GLIPR1L2: variants seen among roughly 807,000 people sequenced by gnomAD.
GLIPR1L2 encodes GLIPR1-like protein 2.
In GLIPR1L2, 21 loss-of-function variants were observed where a neutral mutation model predicts 28.4. The ratio of observed to expected loss-of-function variants is 0.74; its 90% CI spans 0.52 to 1.06. The LOEUF (loss-of-function observed/expected upper bound fraction) is 1.06. GLIPR1L2 is among the 50% of genes least tolerant of loss of function. GLIPR1L2 has a pLI of 0.00. For missense variants in GLIPR1L2, 476 were observed against 416.9 expected (o/e 1.14, Z -1.23); for synonymous variants, 145 against 139.3 (o/e 1.04, Z -0.29).
chr12:75,401,181 T>C (rs1329888308), intron 1 of GLIPR1L2, among the ~76,000 whole-genome samples: 2 of 151,632 alleles, frequency 1.3e-5, no homozygotes, highest in Non-Finnish European at 2.9e-5. Flanking sequence ...AATAATATTT[T>C]AAAATAAACT....
chr12:75,429,941 T>TTCTTTTCTTTTC (rs1555234759), intron 4 of GLIPR1L2, among the ~76,000 whole-genome samples: 2 of 143,642 alleles, frequency 1.4e-5, no homozygotes, highest in African/African-American at 5.3e-5. Flanking sequence ...TTTCTTTCTT[T>TTCTTTTCTTTTC]TTTTTTTTTT....
chr12:75,406,085 A>C (rs1389392379), intron 1 of GLIPR1L2, among the ~76,000 whole-genome samples: 2 of 150,080 alleles, frequency 1.3e-5, no homozygotes, highest in African/African-American at 4.9e-5. Flanking sequence ...TATCAACTTT[A>C]TTATTTTCCT....
At chr12:75,424,684 A>G (rs543894942) in intron 4 of GLIPR1L2, among the ~76,000 whole-genome samples, 1 of 152,080 alleles carries the variant, frequency 6.6e-6, no homozygotes, top group Admixed American at 6.5e-5. Flanking sequence ...TCCTGGCCTC[A>G]AGTGATTCTC....
intron 2 of GLIPR1L2, among the ~76,000 whole-genome samples, chr12:75,411,100 C>T (rs962717833): frequency 2.0e-5 from 3 of 151,690 alleles, no homozygotes; most frequent in Non-Finnish European, 4.4e-5. Context: ...TATTATTTCC[C>T]TGCCTCTGGT....
In GLIPR1L2 at chr12:75,431,155, A is replaced by G; in HGVS notation, c.1029A>G (p.Glu343=). The G allele has an allele frequency of 1.3e-6, 1 of 748,284 alleles. No individual in the cohort carries two copies. The highest frequency in any genetic ancestry group is 2.2e-6 in the Non-Finnish European group (1 of 444,866). The allele number at this position is 748,284 out of a possible 1,614,324, so 46.4% of individuals were successfully genotyped here. The change falls in exon 6 of 6, where the codon GAA becomes GAG. Residue 343 remains glutamate (E), a synonymous_variant. Coordinates refer to ENST00000550916, the MANE Select transcript of GLIPR1L2 (RefSeq NM_001270396.2). ...ETQKEKMEEE[E]K ...AAAAAGAAAAGATGGAGGAAGAGGA[A>G]AAATAAGAGTAGAAAGAGGAGGAAA...
chr12:75,421,177 A>G (rs2045972333), intron 3 of GLIPR1L2, among the ~76,000 whole-genome samples: 1 of 151,782 alleles, frequency 6.6e-6, no homozygotes, highest in Non-Finnish European at 1.5e-5. Flanking sequence ...AAAATAGACC[A>G]GGGTGTAGCT....
At chr12:75,424,936 G>A (rs1444418826) in intron 4 of GLIPR1L2, among the ~76,000 whole-genome samples, 1 of 152,072 alleles carries the variant, frequency 6.6e-6, no homozygotes, top group East Asian at 1.9e-4. Context: ...TCTACACAGA[G>A]GGGCATCCAA....
intron 1 of GLIPR1L2, among the ~76,000 whole-genome samples, chr12:75,398,821 CTTT>C (rs1312899221): frequency 1.3e-5 from 2 of 152,032 alleles, no homozygotes; most frequent in Non-Finnish European, 2.9e-5. Context: ...AGAAAATAAC[CTTT>C]ATGAGTTTGA....
chr12:75,409,369 C>A (rs747932864), intron 1 of GLIPR1L2, among the ~76,000 whole-genome samples: 3 of 151,572 alleles, frequency 2.0e-5, no homozygotes, highest in Non-Finnish European at 4.4e-5. Flanking sequence ...TTGTTCTTGT[C>A]CTTCACTAAC....
At chr12:75,405,184 A>G (rs934218670) in intron 1 of GLIPR1L2, among the ~76,000 whole-genome samples, 1 of 152,182 alleles carries the variant, frequency 6.6e-6, no homozygotes, top group Admixed American at 6.6e-5. Flanking sequence ...TGTCAAGAGA[A>G]GGAGAAAGTA....
intron 1 of GLIPR1L2, among the ~76,000 whole-genome samples, chr12:75,400,047 A>T (rs765021262): frequency 6.6e-6 from 1 of 152,246 alleles, no homozygotes; most frequent in East Asian, 1.9e-4. Flanking sequence ...TAACTAAAGT[A>T]AGTGTGGTTC....
At chr12:75,415,117 A>G (rs1374876958) in intron 3 of GLIPR1L2, among the ~76,000 whole-genome samples, 1 of 152,084 alleles carries the variant, frequency 6.6e-6, no homozygotes, top group Non-Finnish European at 1.5e-5. Context: ...GAATGAGTTT[A>G]ACATGTCAGA....
intron 3 of GLIPR1L2, among the ~76,000 whole-genome samples, chr12:75,421,585 C>T (rs976614393): frequency 2.0e-5 from 3 of 152,120 alleles, no homozygotes; most frequent in African/African-American, 7.2e-5. Context: ...AATGATGCTG[C>T]CCCCACTCAA....
intron 1 of GLIPR1L2, among the ~76,000 whole-genome samples, chr12:75,401,513 T>C (rs1289628429): frequency 1.3e-5 from 2 of 151,982 alleles, no homozygotes; most frequent in Non-Finnish European, 2.9e-5. Flanking sequence ...TGGGATGTTT[T>C]CTATACTTCT....
rs2046090092 is a variant in GLIPR1L2 at position 75,431,216 on chromosome 12, C to CA, written c.*62dup. On this transcript the variant is annotated 3_prime_UTR_variant, in exon 6 of 6. Coordinates refer to ENST00000550916, the MANE Select transcript of GLIPR1L2 (RefSeq NM_001270396.2). ...ACCAATATAAACCAAAAGTGTAATA[C>CA]AAAAAAAGACAGAAAAAAAAAAAAA... 8.6e-6 allele frequency: 4 copies of CA among 467,124 alleles called. No individual in the cohort carries two copies. Among genetic ancestry groups the CA allele is most frequent in the Admixed American group, 3.9e-5 (1 of 25,554 alleles). 28.9% of individuals were successfully genotyped at this position (467,124 alleles called of 1,614,324 possible).
At chr12:75,414,689 A>G (rs948916653) in intron 3 of GLIPR1L2, among the ~76,000 whole-genome samples, 6 of 152,086 alleles carry the variant, frequency 3.9e-5, no homozygotes. Context: ...TGGGATACCT[A>G]TTACATGCAG....
Position 75,426,389 on chromosome 12 carries a change from T to C in GLIPR1L2, c.670+3400T>C, listed in dbSNP as rs553370433. On this transcript the variant is annotated intron_variant, in intron 4 of 5. Coordinates refer to ENST00000550916, the MANE Select transcript of GLIPR1L2 (RefSeq NM_001270396.2). ...ACTGTAAACACTAAGGGAGTGAAGG[T>C]CAGGGAAGTGGCCACAGTAAGGCAG... Among the ~76,000 whole-genome samples, 224 of 152,320 alleles carry C rather than the reference T, an allele frequency of 1.5e-3. 1 individual carries two copies. The Middle Eastern group carries it at 0.02, about 14-fold the overall frequency.
chr12:75,424,200 C>T (rs1174380960), intron 4 of GLIPR1L2, among the ~76,000 whole-genome samples: 1 of 152,186 alleles, frequency 6.6e-6, no homozygotes, highest in Non-Finnish European at 1.5e-5. Context: ...TAAAAGTGTT[C>T]CTATTTCTCC....
At chr12:75,427,228 GA>G (rs946730145) in intron 4 of GLIPR1L2, among the ~76,000 whole-genome samples, 2 of 152,026 alleles carry the variant, frequency 1.3e-5, no homozygotes, top group African/African-American at 4.8e-5. Context: ...ACTATTTAAT[GA>G]AACATATAAT....
Sources: allele counts gnomAD v4.1 joint callset (sites outside exome capture counted in the v4.1 genomes callset), GRCh38; gene constraint gnomAD v4.1.1; transcripts MANE v1.5; gene names NCBI Gene and HGNC (gene_info 2026-07-23, HGNC 2026-07-21).